TMCO1: variants seen among roughly 807,000 people sequenced by gnomAD.
TMCO1 encodes transmembrane and coiled-coil domains 1.
In TMCO1, 29 loss-of-function variants were observed where a neutral mutation model predicts 29.3. The ratio of observed to expected loss-of-function variants is 0.99; its 90% CI spans 0.74 to 1.35. The LOEUF is 1.35. Ranked by LOEUF, TMCO1 falls within the 40% of genes most tolerant of loss-of-function variation. The pLI is 0.00. For missense variants in TMCO1, 173 were observed against 225.5 expected (o/e 0.77, Z 1.49); for synonymous variants, 80 against 77.1 (o/e 1.04, Z -0.20).
At chr1:165,757,593 TTCAA>T (rs1440495915) in intron 3 of TMCO1, among the ~76,000 whole-genome samples, 1 of 152,182 alleles carries the variant, frequency 6.6e-6, no homozygotes, top group Non-Finnish European at 1.5e-5. Context: ...ACCTCCCAGA[TTCAA>T]GTGGATTCTC....
At chr1:165,762,590 G>A (rs185935798) in intron 2 of TMCO1, among the ~76,000 whole-genome samples, 1 of 152,198 alleles carries the variant, frequency 6.6e-6, no homozygotes, top group Non-Finnish European at 1.5e-5. Flanking sequence ...TGAAACCTTG[G>A]TGTGTGGATA....
intron 6 of TMCO1, among the ~76,000 whole-genome samples, chr1:165,729,309 T>G (rs1192681292): frequency 7.1e-6 from 1 of 141,556 alleles, no homozygotes; most frequent in Non-Finnish European, 1.5e-5. Context: ...CATACTTTGT[T>G]CTCATAATTC....
chr1:165,749,095 A>G (rs1651905967), intron 5 of TMCO1, among the ~76,000 whole-genome samples: 1 of 152,212 alleles, frequency 6.6e-6, no homozygotes, highest in South Asian at 2.1e-4. Context: ...ACCGAAAGAC[A>G]TCTTGATTCC....
chr1:165,764,615 C>A (rs550242899), intron 2 of TMCO1, among the ~76,000 whole-genome samples: 1 of 151,852 alleles, frequency 6.6e-6, no homozygotes. Context: ...TAAGACTAGC[C>A]CAGAGGACAG....
chr1:165,739,377 G>C (rs1288123644), intron 6 of TMCO1, among the ~76,000 whole-genome samples: 1 of 124,322 alleles, frequency 8.0e-6, no homozygotes, highest in Non-Finnish European at 1.7e-5. Context: ...AGACCAGCTT[G>C]AGTTGAACTT....
At chr1:165,742,266 C>CG (rs1219247841) in intron 6 of TMCO1, among the ~76,000 whole-genome samples, 1 of 147,848 alleles carries the variant, frequency 6.8e-6, no homozygotes, top group African/African-American at 2.6e-5. Flanking sequence ...TCGGCTCCCC[C>CG]CCTTTTCTTT....
At chr1:165,766,994 A>G (rs1279316285) in intron 2 of TMCO1, among the ~76,000 whole-genome samples, 4 of 152,164 alleles carry the variant, frequency 2.6e-5, no homozygotes, top group Non-Finnish European at 4.4e-5. Flanking sequence ...TACATAATCA[A>G]CACTGAGTAA....
intron 5 of TMCO1, among the ~76,000 whole-genome samples, chr1:165,748,599 A>G (rs1396011629): frequency 2.0e-5 from 3 of 152,172 alleles, no homozygotes; most frequent in Admixed American, 6.5e-5. Flanking sequence ...GAAGGGAAAC[A>G]AAAAAGGTTT....
At chr1:165,759,729 C>T (rs912378788) in intron 2 of TMCO1, 145 bp from the exon 3 acceptor site, 4 of 669,804 alleles carry the variant, frequency 6.0e-6, no homozygotes, top group Non-Finnish European at 1.1e-5. Context: ...TTAACTGGTC[C>T]ACTCTCATAG....
chr1:165,768,482 C>A (rs745310592), intron 1 of TMCO1, 200 bp downstream of exon 1: 2 of 1,542,770 alleles, frequency 1.3e-6, no homozygotes, highest in Non-Finnish European at 1.7e-6. Context: ...TGAAATCTAC[C>A]TGAGACCAAA....
At chr1:165,740,076 C>A (rs903426014) in intron 6 of TMCO1, among the ~76,000 whole-genome samples, 1 of 152,026 alleles carries the variant, frequency 6.6e-6, no homozygotes, top group Non-Finnish European at 1.5e-5. Context: ...CGAGCTATTG[C>A]ACTCCAGCCT....
chr1:165,741,726 T>C (rs973069073), intron 6 of TMCO1, among the ~76,000 whole-genome samples: 2 of 152,228 alleles, frequency 1.3e-5, no homozygotes, highest in African/African-American at 2.4e-5. Flanking sequence ...CCAAATCTCA[T>C]GTCAAATTGT....
chr1:165,731,198 C>T (rs1354450860), intron 6 of TMCO1, among the ~76,000 whole-genome samples: 1 of 152,138 alleles, frequency 6.6e-6, no homozygotes, highest in African/African-American at 2.4e-5. Context: ...CGTACCTGGC[C>T]TGCATTACTT....
chr1:165,759,817 A>C (rs887390929), intron 2 of TMCO1, among the ~76,000 whole-genome samples: 1 of 152,210 alleles, frequency 6.6e-6, no homozygotes, highest in Non-Finnish European at 1.5e-5. Context: ...AATACCCATA[A>C]AGAATTGTAT....
chr1:165,765,517 C>T (rs762069524), intron 2 of TMCO1, among the ~76,000 whole-genome samples: 1 of 152,132 alleles, frequency 6.6e-6, no homozygotes, highest in Non-Finnish European at 1.5e-5. Flanking sequence ...GGCCTGACCT[C>T]GTGATCCACC....
chr1:165,725,965 T>C (rs988396817), downstream of TMCO1: 3 of 669,904 alleles, frequency 4.5e-6, no homozygotes, highest in African/African-American at 5.3e-5. Context: ...CATGGAAACA[T>C]AATTTGTATA....
intron 3 of TMCO1, among the ~76,000 whole-genome samples, chr1:165,756,816 T>C (rs1275316083): frequency 2.0e-5 from 3 of 150,568 alleles, no homozygotes; most frequent in Admixed American, 6.6e-5. Context: ...CCAGATACTA[T>C]ATATATATTT....
intron 6 of TMCO1, 46 bp from the exon 7 acceptor site, chr1:165,728,167 C>T (rs1558027293): frequency 6.8e-7 from 1 of 1,479,516 alleles, no homozygotes; most frequent in Admixed American, 1.7e-5. Context: ...ATCAAATATA[C>T]AGAAGATGTG....
intron 3 of TMCO1, among the ~76,000 whole-genome samples, chr1:165,757,629 C>G (rs1455250747): frequency 6.6e-6 from 1 of 152,196 alleles, no homozygotes; most frequent in Admixed American, 6.5e-5. Flanking sequence ...TCCCAAGTAG[C>G]TGGGATTATA....
Sources: gnomAD v4.1 joint callset for allele counts (sites outside exome capture counted in the v4.1 genomes callset) on GRCh38, gnomAD v4.1.1 for gene constraint, MANE v1.5 for transcripts, NCBI Gene and HGNC (gene_info 2026-07-23, HGNC 2026-07-21) for gene names.